INTS1: variants seen among roughly 807,000 people sequenced by gnomAD.
INTS1 encodes integrator complex subunit 1.
INTS1 carries 137 observed loss-of-function variants against 241.6 expected under a neutral mutation model. The ratio of observed to expected loss-of-function variants is 0.57; its 90% CI spans 0.49 to 0.65. INTS1 has a LOEUF of 0.65. INTS1 is among the 30% of genes least tolerant of loss of function. The probability of loss-of-function intolerance (pLI) is 0.00; values close to 1 mark genes in which losing one functional copy is unlikely to be tolerated. For missense variants in INTS1, 3,073 were observed against 3,032.2 expected (o/e 1.01, Z -0.32); for synonymous variants, 1,692 against 1,337.8 (o/e 1.26, Z -5.78).
rs1783009434 is a variant in INTS1 at position 1,499,011 on chromosome 7, C to T, written c.1101G>A (p.Ala367=). The change falls in exon 8 of 48, where the codon GCG becomes GCA. Residue 367 remains alanine (A), a synonymous_variant. Coordinates refer to ENST00000404767, the MANE Select transcript of INTS1 (RefSeq NM_001080453.3). The part of the protein sequence containing the change: ...TCGYKEVRLL[A]VQKLEMWLQN... ...GCAGCCACATCTCCAGCTTCTGCAC[C>T]GCCAGCAGCCGCACCTCCTTATAGC... 1 of 1,552,920 alleles carries T rather than the reference C, an allele frequency of 6.4e-7. No individual in the cohort carries two copies. Among genetic ancestry groups the T allele is most frequent in the Non-Finnish European group, 8.7e-7 (1 of 1,149,882 alleles).
At position 1,473,176 on chromosome 7, in the gene INTS1, G is replaced by A. The variant is rs1781552114; in HGVS notation, c.5966C>T (p.Ser1989Phe). The A allele has an allele frequency of 1.9e-6, 3 of 1,610,208 alleles. No individual in the cohort carries two copies. The highest frequency in any genetic ancestry group is 2.5e-6 in the Non-Finnish European group (3 of 1,178,068). The change falls in exon 43 of 48, where the codon TCC becomes TTC. Residue 1989 changes from serine to phenylalanine, a missense_variant. Coordinates refer to ENST00000404767, the MANE Select transcript of INTS1 (RefSeq NM_001080453.3). Reference protein sequence around the residue: ...QKHADPLHDLSFDNSDLVMLK... With the variant: ...QKHADPLHDLFFDNSDLVMLK... The stretch of plus-strand genomic sequence containing the variant: ...CATCACCAGGTCACTGTTGTCGAAG[G>A]ACAGGTCGCTGGGGAGAGAAGATGC...
At chr7:1,473,428 G>GAGCACCACGCTC in intron 42 of INTS1, 138 bp downstream of exon 42, 1 of 1,136,736 alleles carries the variant, frequency 8.8e-7, no homozygotes, top group South Asian at 1.5e-5. Flanking sequence ...GCCCTGGGAT[G>GAGCACCACGCTC]AGCACCACGC....
At chr7:1,478,702 C>G (rs1479720949) in intron 32 of INTS1, 24 bp downstream of exon 32, 4 of 1,531,110 alleles carry the variant, frequency 2.6e-6, no homozygotes, top group East Asian at 2.4e-5. Flanking sequence ...CCCCAGCCGT[C>G]TGCCAGCCCG....
chr7:1,476,827 A>G lies in INTS1; in HGVS notation c.5030T>C (p.Ile1677Thr). Residue 1677 changes from isoleucine (I) to threonine (T), a missense_variant, in exon 36 of 48, where the codon ATC (isoleucine) becomes ACC (threonine). Coordinates refer to ENST00000404767, the MANE Select transcript of INTS1 (RefSeq NM_001080453.3). ...QSSWPTLHQC[I>T]RVLLGKSREQ... ...CCGGCTCTTGCCCAGCAGGACTCGG[A>G]TGCACTGGTGCAGTGTGGGCCAGCT... The G allele has an allele frequency of 6.2e-7, 1 of 1,613,024 alleles. No individual in the cohort carries two copies. The highest frequency in any genetic ancestry group is 8.5e-7 in the Non-Finnish European group (1 of 1,179,872).
intron 45 of INTS1, 145 bp from the exon 46 acceptor site, chr7:1,471,369 C>A (rs774466404): frequency 3.9e-6 from 4 of 1,019,944 alleles, no homozygotes; most frequent in Non-Finnish European, 5.8e-6. Context: ...TGCCACTGGC[C>A]GGTCCCAGCC....
At chr7:1,479,284 C>T (rs553449447) in intron 31 of INTS1, 146 bp downstream of exon 31, 75 of 1,016,212 alleles carry the variant, frequency 7.4e-5, no homozygotes, top group African/African-American at 2.9e-4. Context: ...GGGGACCTGC[C>T]GCCACTCCCT....
In INTS1 at chr7:1,476,319, G is replaced by C; in HGVS notation, c.5288C>G (p.Pro1763Arg). The C allele has an allele frequency of 6.3e-7, 1 of 1,587,834 alleles. No individual in the cohort carries two copies. The highest frequency in any genetic ancestry group is 8.6e-7 in the Non-Finnish European group (1 of 1,169,136). Residue 1763 changes from proline to arginine, a missense_variant, in exon 38 of 48, where the codon CCC becomes CGC. Coordinates refer to ENST00000404767, the MANE Select transcript of INTS1 (RefSeq NM_001080453.3). ...AACSLIQARLPLLLSCCCGDD... is the reference protein window; with the variant it reads ...AACSLIQARLRLLLSCCCGDD... Reference sequence around the variant, plus strand: ...CCCACAGCAGCAGCTGAGCAGCAGGGGCAGCCGGGCCTGGATGAGGCTGCA... The same window carrying C: ...CCCACAGCAGCAGCTGAGCAGCAGGCGCAGCCGGGCCTGGATGAGGCTGCA...
At chr7:1,492,691 C>T (rs991832781) in intron 16 of INTS1, among the ~76,000 whole-genome samples, 20 of 152,290 alleles carry the variant, frequency 1.3e-4, no homozygotes, top group Middle Eastern at 6.8e-3. Context: ...CTGGAGACAC[C>T]GGGGAAGACA....
chr7:1,472,946 T>C (rs1781541285), intron 43 of INTS1, 126 bp downstream of exon 43: 1 of 595,698 alleles, frequency 1.7e-6, no homozygotes. Flanking sequence ...GCCAGCAAGG[T>C]CCCAGGCTCA....
chr7:1,472,473 G>A (rs1000321940), intron 43 of INTS1, 87 bp from the exon 44 acceptor site: 15 of 918,170 alleles, frequency 1.6e-5, no homozygotes, highest in East Asian at 8.0e-5. Context: ...CCGAGAGCAC[G>A]GCGGCCACTG....
In INTS1 at chr7:1,471,243, G is replaced by T. The variant is rs372744001; in HGVS notation, c.6256-19C>A. The stretch of plus-strand genomic sequence containing the variant: ...GGTTGGTCTGACCGGGGGAAAGGTG[G>T]GAGGTGTGTGACCAAGGGGTCCAGC... On this transcript the variant is annotated intron_variant, in intron 45 of 47. Coordinates refer to ENST00000404767, the MANE Select transcript of INTS1 (RefSeq NM_001080453.3). The T allele has an allele frequency of 6.4e-7, 1 of 1,561,486 alleles. No homozygotes were observed.
At position 1,476,393 on chromosome 7, in the gene INTS1, CA is replaced by C; in HGVS notation, c.5213del (p.Leu1738ArgfsTer42). ...TCCGCGTCTCCGCCTCGGCCAGGAT[CA>C]GCTCCACCAGGCTGATGAGCTCCGG... ...QGPELISLVE[L>X]ILAEAETRSQ... On this transcript the variant is annotated frameshift_variant, in exon 38 of 48. Transcript: ENST00000404767. LOFTEE classifies it high-confidence loss of function. 6.3e-7 allele frequency: 1 copy of C among 1,577,070 alleles called. No individual in the cohort carries two copies. Among genetic ancestry groups the C allele is most frequent in the Non-Finnish European group, 8.6e-7 (1 of 1,167,012 alleles).
rs776574047 is a variant in INTS1, at chr7:1,499,488, C to A, written c.829G>T (p.Gly277Cys). The change falls in exon 6 of 48, where the codon GGC becomes TGC. Residue 277 changes from glycine (G) to cysteine (C), a missense_variant. Transcript: ENST00000404767. ...TGTGTCTCACCTGCACCCAGGTCGC[C>A]CGCAACGCGGCCCGCCTCCCCCTGC... Reference protein sequence around the residue: ...LLQGEAGRVAGDLGAGSSPHP... With the variant: ...LLQGEAGRVACDLGAGSSPHP... 4 of 1,602,122 alleles carry A rather than the reference C, an allele frequency of 2.5e-6. No homozygotes were observed. Among genetic ancestry groups the A allele is most frequent in the African/African-American group, 2.7e-5 (2 of 74,650 alleles).
intron 3 of INTS1, chr7:1,501,134 A>G (rs956074561): frequency 2.0e-5 from 3 of 152,096 alleles, no homozygotes; most frequent in Admixed American, 6.5e-5. Flanking sequence ...GAAATACACA[A>G]ATTAGCCAGG....
rs138487346 is a variant in INTS1 at position 1,476,729 on chromosome 7, G to A, written c.5063+65C>T. 47 of 1,612,040 alleles carry A rather than the reference G, an allele frequency of 2.9e-5. No homozygotes were observed. The East Asian group carries it at 5.1e-4, about 18-fold the overall frequency. On this transcript the variant is annotated intron_variant, in intron 36 of 47. Coordinates refer to ENST00000404767, the MANE Select transcript of INTS1 (RefSeq NM_001080453.3). ...ATGGGAGATACCAGTCAGAGCCGGC[G>A]CTGGGAGATTTCTGGTGAAGGCCAG...
intron 39 of INTS1, among the ~76,000 whole-genome samples, chr7:1,475,215 A>G (rs1434226291): frequency 2.0e-5 from 3 of 152,034 alleles, no homozygotes; most frequent in Admixed American, 1.3e-4. Flanking sequence ...AGCCCTCTCT[A>G]TTTTCAAAAA....
chr7:1,503,225 T>A (rs781486045), intron 2 of INTS1, 34 bp from the exon 3 acceptor site: 10 of 1,512,340 alleles, frequency 6.6e-6, no homozygotes, highest in African/African-American at 4.2e-5. Flanking sequence ...CCGGGCACAT[T>A]TGCAACACCC....
chr7:1,487,522 T>C (rs1289524280), intron 19 of INTS1, 73 bp from the exon 20 acceptor site: 3 of 1,524,294 alleles, frequency 2.0e-6, no homozygotes, highest in East Asian at 2.4e-5. Flanking sequence ...CCTCCTCCCA[T>C]CCCTGCTTCG....
At chr7:1,477,018 G>C (rs1056763802) in intron 35 of INTS1, 100 bp from the exon 36 acceptor site, 1 of 1,419,462 alleles carries the variant, frequency 7.0e-7, no homozygotes, top group Non-Finnish European at 9.4e-7. Context: ...TCAGAGAGCC[G>C]AGGCTTGGGG....
Sources: gnomAD v4.1 joint callset for allele counts (sites outside exome capture counted in the v4.1 genomes callset) on GRCh38, gnomAD v4.1.1 for gene constraint, MANE v1.5 for transcripts, NCBI Gene and HGNC (gene_info 2026-07-23, HGNC 2026-07-21) for gene names.